NHSL1: variants seen among roughly 807,000 people sequenced by gnomAD.
NHSL1 encodes NHS like 1, also known as NHS-like protein 1.
NHSL1 carries 48 observed loss-of-function variants against 95.0 expected under a neutral mutation model. That is an observed-to-expected ratio of 0.51 (90% CI 0.40 to 0.64). The LOEUF (loss-of-function observed/expected upper bound fraction) is 0.64. NHSL1 is among the 30% of genes least tolerant of loss of function. The pLI is 0.00. For missense variants in NHSL1, 1,971 were observed against 2,077.7 expected (o/e 0.95, Z 1.00); for synonymous variants, 783 against 833.9 (o/e 0.94, Z 1.05).
intron 2 of NHSL1, among the ~76,000 whole-genome samples, chr6:138,489,283 C>T (rs1222776945): frequency 2.0e-5 from 3 of 152,186 alleles, no homozygotes; most frequent in Non-Finnish European, 2.9e-5. Flanking sequence ...TAATACTTTA[C>T]ATGAATATGT....
chr6:138,650,808 T>C lies in NHSL1; in HGVS notation c.96+41668A>G, dbSNP rs551733411. On this transcript the variant is annotated intron_variant, in intron 1 of 3. Transcript: ENST00000491526. ...CTTGTTGGAAACCTGCTAGATCTCA[T>C]CTACAGGGAAAGCCTTCTTCATGCT... 2.2e-5 allele frequency: 12 copies of C among 542,448 alleles called. 1 individual carries two copies. Among genetic ancestry groups the C allele is most frequent in the Middle Eastern group, 6.3e-4 (2 of 3,168 alleles). 33.6% of individuals were successfully genotyped at this position (542,448 alleles called of 1,614,324 possible).
At chr6:138,677,653 C>T (rs1404849401) in intron 1 of NHSL1, among the ~76,000 whole-genome samples, 2 of 152,144 alleles carry the variant, frequency 1.3e-5, no homozygotes, top group Non-Finnish European at 2.9e-5. Context: ...CCAATCACTG[C>T]CCCAAGCAGA....
At chr6:138,541,504 A>G (rs1782580085) in intron 1 of NHSL1, among the ~76,000 whole-genome samples, 1 of 152,214 alleles carries the variant, frequency 6.6e-6, no homozygotes, top group Non-Finnish European at 1.5e-5. Flanking sequence ...ATATTTTAGC[A>G]TGGTTTACTT....
Position 138,432,357 on chromosome 6 carries a change from A to T in NHSL1, c.1988T>A (p.Ile663Asn). ...AGGCTTCTTTGCTTTCTTCAAAGAG[A>T]TGTTTCTTGATAGGGATTTATCCTG... ...NYQDKSLSRN[I>N]SLKKAKKPPL... is the part of the protein sequence containing the mutation. The change falls in exon 6 of 8, where the codon ATC becomes AAC. Residue 663 changes from isoleucine to asparagine, a missense_variant. Around this residue, in one of 3 missense-constraint regions of NHSL1, gnomAD observed 1,602 missense variants for 1,654.5 expected, o/e 0.97. Coordinates refer to ENST00000343505, the MANE Select transcript of NHSL1 (RefSeq NM_001144060.2). This position sits in a 1 kb window ranked among gnomAD's most constrained non-coding sequence, Gnocchi z 4.4. 6 of 1,551,572 alleles carry T rather than the reference A, an allele frequency of 3.9e-6. No homozygotes were observed. Among genetic ancestry groups the T allele is most frequent in the Non-Finnish European group, 5.2e-6 (6 of 1,146,918 alleles).
intron 1 of NHSL1, chr6:138,650,885 T>C (rs1397013779): frequency 3.7e-6 from 2 of 540,824 alleles, no homozygotes; most frequent in African/African-American, 3.8e-5. Flanking sequence ...CCTCGGGCCT[T>C]GGAACAGCCC....
At chr6:138,454,513 A>ACCCC (rs374368196) in intron 3 of NHSL1, among the ~76,000 whole-genome samples, 7,776 of 152,122 alleles carry the variant, frequency 0.051, 640 homozygotes, top group African/African-American at 0.18. Flanking sequence ...TGGGGGAAAA[A>ACCCC]CATGAGCTCT....
intron 1 of NHSL1, among the ~76,000 whole-genome samples, chr6:138,536,602 CTTTTTTTTTTT>C (rs563509738): frequency 3.7e-5 from 3 of 80,020 alleles, no homozygotes; most frequent in Non-Finnish European, 7.3e-5. Context: ...CATATGTCAT[CTTTTTTTTTTT>C]TTTTTTTTTT....
At chr6:138,653,650 T>C (rs1785120310) in intron 1 of NHSL1, among the ~76,000 whole-genome samples, 1 of 152,200 alleles carries the variant, frequency 6.6e-6, no homozygotes, top group South Asian at 2.1e-4. Flanking sequence ...AGTATGAAAC[T>C]GTTGCCTCAG....
In NHSL1 at chr6:138,433,668, C is replaced by G; in HGVS notation, c.677G>C (p.Gly226Ala). 1 of 1,534,910 alleles carries G rather than the reference C, an allele frequency of 6.5e-7. No individual in the cohort carries two copies. Among genetic ancestry groups the G allele is most frequent in the Non-Finnish European group, 8.8e-7 (1 of 1,134,746 alleles). Residue 226 changes from glycine to alanine, a missense_variant, in exon 6 of 8, where the codon GGC becomes GCC. By Grantham distance (60) the Gly-to-Ala change is moderately conservative. Coordinates refer to ENST00000343505, the MANE Select transcript of NHSL1 (RefSeq NM_001144060.2). Reference sequence around the variant, plus strand: ...TGAGTGGCCATCAGCATCATCTTGGCCAGTGCCTGATGCTGGAGATAAAGC... The same window carrying G: ...TGAGTGGCCATCAGCATCATCTTGGGCAGTGCCTGATGCTGGAGATAAAGC... The part of the protein sequence containing the change: ...NIQKELASGT[G>A]QDDADGHSVY...
chr6:138,424,020 T>G lies in NHSL1; in HGVS notation c.*61A>C. ...GCCAGGGAAGGGCGCCTAGCAGGCT[T>G]CCTAGAGTGCTGCATTGCTCGTCTC... On this transcript the variant is annotated 3_prime_UTR_variant, in exon 8 of 8. Transcript: ENST00000343505. This position sits in a 1 kb window ranked among gnomAD's most constrained non-coding sequence, Gnocchi z 5.9. The G allele has an allele frequency of 7.7e-7, 1 of 1,300,188 alleles. No homozygotes were observed. The highest frequency in any genetic ancestry group is 9.7e-7 in the Non-Finnish European group (1 of 1,026,524). 80.5% of individuals were successfully genotyped at this position (1,300,188 alleles called of 1,614,324 possible). A position where few individuals can be genotyped will look rare whatever the true frequency, so the allele number is the denominator to read the frequency against.
chr6:138,673,476 A>AAC lies in NHSL1; in HGVS notation c.96+18998_96+18999dup, dbSNP rs553550672. Among the ~76,000 whole-genome samples the AAC allele has an allele frequency of 3.3e-4, 50 of 152,198 alleles. No homozygotes were observed. The East Asian group carries it at 6.9e-3, about 21-fold the overall frequency. ...TACAGCTACAAAAAAAAAAACAAAA[A>AAC]ACACACAGTCAAGTTTCATTTCTGG... On this transcript the variant is annotated intron_variant, in intron 1 of 3. Coordinates refer to the NHSL1 transcript ENST00000491526.
At chr6:138,517,086 T>C (rs900179711) in intron 1 of NHSL1, among the ~76,000 whole-genome samples, 2 of 152,216 alleles carry the variant, frequency 1.3e-5, no homozygotes, top group Non-Finnish European at 1.5e-5. Flanking sequence ...GTCTATCTTC[T>C]GCACAATGAT....
At chr6:138,576,781 T>A (rs1783979264), upstream of NHSL1, among the ~76,000 whole-genome samples, 1 of 152,216 alleles carries the variant, frequency 6.6e-6, no homozygotes, top group South Asian at 2.1e-4. Flanking sequence ...CCCTGCATAA[T>A]GACCCCCAGG....
At chr6:138,593,432 A>T (rs1196811365) in intron 1 of NHSL1, among the ~76,000 whole-genome samples, 1 of 152,246 alleles carries the variant, frequency 6.6e-6, no homozygotes, top group East Asian at 1.9e-4. Context: ...ATTCATTCAC[A>T]ATCATGCTAA....
chr6:138,436,696 A>G (rs1283372182), intron 5 of NHSL1, among the ~76,000 whole-genome samples: 1 of 152,252 alleles, frequency 6.6e-6, no homozygotes, highest in Non-Finnish European at 1.5e-5. Flanking sequence ...TTTCAAAGCT[A>G]CAAGAGGAGG....
intron 1 of NHSL1, among the ~76,000 whole-genome samples, chr6:138,523,627 G>GAAAAAAAAAAAAAAAAAAAA (rs67335375): frequency 1.5e-5 from 1 of 64,890 alleles, no homozygotes; most frequent in Non-Finnish European, 3.2e-5. Flanking sequence ...TTTTAAAGAG[G>GAAAAAAAAAAAAAAAAAAAA]AAAAAAAAAA....
intron 2 of NHSL1, among the ~76,000 whole-genome samples, chr6:138,492,085 G>A (rs1780110977): frequency 6.6e-6 from 1 of 152,154 alleles, no homozygotes; most frequent in Non-Finnish European, 1.5e-5. Flanking sequence ...AAAGTCTCCA[G>A]AGACTCTCCA....
At chr6:138,509,520 T>C (rs553064742) in intron 1 of NHSL1, among the ~76,000 whole-genome samples, 1 of 152,276 alleles carries the variant, frequency 6.6e-6, no homozygotes, top group Non-Finnish European at 1.5e-5. Context: ...GAAGACTTCC[T>C]AATAAAGACT....
intron 1 of NHSL1, among the ~76,000 whole-genome samples, chr6:138,562,670 A>G (rs1783458277): frequency 6.6e-6 from 1 of 152,128 alleles, no homozygotes; most frequent in African/African-American, 2.4e-5. Flanking sequence ...TCACACACAA[A>G]AAAATATATA....
Sources: allele counts gnomAD v4.1 joint callset (sites outside exome capture counted in the v4.1 genomes callset), GRCh38; gene constraint gnomAD v4.1.1; regional missense constraint gnomAD v4.1.1; non-coding constraint Gnocchi (gnomAD v3.1); transcripts MANE v1.5; gene names NCBI Gene and HGNC (gene_info 2026-07-23, HGNC 2026-07-21).